PSMG4: variants seen among roughly 807,000 people sequenced by gnomAD.
PSMG4 encodes proteasome (prosome, macropain) assembly chaperone 4.
PSMG4 carries 10 observed loss-of-function variants against 11.0 expected under a neutral mutation model. That is an observed-to-expected ratio of 0.91 (90% CI 0.56 to 1.54). The LOEUF is 1.54. Ranked by LOEUF, PSMG4 falls within the 40% of genes most tolerant of loss-of-function variation. PSMG4 has a pLI of 0.00. For synonymous variants in PSMG4, 95 were observed against 71.3 expected (o/e 1.33, Z -1.68); for missense variants, 198 against 160.9 (o/e 1.23, Z -1.25).
At chr6:3,255,281 C>G (rs1049153784), upstream of PSMG4, 6 of 1,536,216 alleles carry the variant, frequency 3.9e-6, no homozygotes, top group East Asian at 2.5e-5. Context: ...TCTTACGGGT[C>G]TATCGGTGCC....
In PSMG4 at chr6:3,259,210, G is replaced by T. The variant is rs766109268; in HGVS notation, c.174+14G>T. ...TGCAGCCGCTACGTGAGTGCCTGGC[G>T]GCCGAGGGTGCGGGCGGCGGGGCGG... is the stretch of plus-strand genomic sequence containing the variant. On this transcript the variant is annotated intron_variant, in intron 1 of 2. Coordinates refer to ENST00000438998, the MANE Select transcript of PSMG4 (RefSeq NM_001128591.2). The T allele has an allele frequency of 1.6e-6, 2 of 1,282,380 alleles. No homozygotes were observed. Among genetic ancestry groups the T allele is most frequent in the Non-Finnish European group, 2.0e-6 (2 of 1,016,342 alleles). 79.4% of individuals were successfully genotyped at this position (1,282,380 alleles called of 1,614,324 possible). A position where few individuals can be genotyped will look rare whatever the true frequency, so the allele number is the denominator to read the frequency against.
chr6:3,264,548 C>A, intron 2 of PSMG4: 1 of 792,048 alleles, frequency 1.3e-6, no homozygotes, highest in Non-Finnish European at 1.9e-6. Context: ...GCACCTGGCC[C>A]AGGGGGAAGG....
chr6:3,254,427 G>C (rs191613536), upstream of PSMG4, among the ~76,000 whole-genome samples: 91 of 147,162 alleles, frequency 6.2e-4, no homozygotes, highest in East Asian at 0.014. Flanking sequence ...AGGAGGTATG[G>C]CTTTGTGCTG....
intron 1 of PSMG4, among the ~76,000 whole-genome samples, chr6:3,261,714 T>G (rs1012659228): frequency 2.7e-4 from 41 of 152,126 alleles, no homozygotes; most frequent in Non-Finnish European, 5.1e-4. Context: ...GGCATTAGCT[T>G]AAGGCAGGAA....
chr6:3,264,407 C>T, intron 2 of PSMG4: 1 of 1,494,592 alleles, frequency 6.7e-7, no homozygotes, highest in Non-Finnish European at 8.9e-7. Flanking sequence ...CTGCCCAGGC[C>T]TGGCGTTCTC....
chr6:3,256,475 CT>C (rs1426078467), upstream of PSMG4, among the ~76,000 whole-genome samples: 2 of 152,206 alleles, frequency 1.3e-5, no homozygotes, highest in African/African-American at 4.8e-5. Context: ...TTGCATCTTC[CT>C]CCTCCTGTGA....
upstream of PSMG4, chr6:3,254,903 A>G: frequency 1.2e-6 from 1 of 845,890 alleles, no homozygotes. Flanking sequence ...TAAGTGAATG[A>G]TCTCTGAGCT....
At position 3,263,750 on chromosome 6, in the gene PSMG4, C is replaced by A; in HGVS notation, c.241C>A (p.Gln81Lys). 1.3e-6 allele frequency: 2 copies of A among 1,551,382 alleles called. No homozygotes were observed. Among genetic ancestry groups the A allele is most frequent in the Non-Finnish European group, 1.7e-6 (2 of 1,146,792 alleles). ...TSDTTSTGLA[Q>K]RLARKTNKQV... ...CGACACGACCTCTACTGGCCTTGCCCAGCGCCTAGGTATGTACCCACAGCT... is the reference window on the plus strand; with the variant it reads ...CGACACGACCTCTACTGGCCTTGCCAAGCGCCTAGGTATGTACCCACAGCT... The change falls in exon 2 of 3, where the codon CAG (glutamine) becomes AAG (lysine). Residue 81 changes from glutamine (Q) to lysine (K), a missense_variant. Transcript: ENST00000438998.
In PSMG4 at chr6:3,267,954, A is replaced by AT. The variant is rs1460814645; in HGVS notation, c.*247dup. ...GTGAGTGATAGAGGGATGAAATGGG[A>AT]TTTTTGTTGGGATTGAAGACTGTAA... On this transcript the variant is annotated 3_prime_UTR_variant, in exon 3 of 3. Transcript: ENST00000438998. The AT allele has an allele frequency of 1.9e-5, 7 of 360,130 alleles. No homozygotes were observed. Among genetic ancestry groups the AT allele is most frequent in the African/African-American group, 1.2e-4 (6 of 48,998 alleles). The allele number at this position is 360,130 out of a possible 1,614,324, so 22.3% of individuals were successfully genotyped here. A position where few individuals can be genotyped will look rare whatever the true frequency, so the allele number is the denominator to read the frequency against.
chr6:3,259,412 C>G (rs1757887005), intron 1 of PSMG4, among the ~76,000 whole-genome samples: 1 of 152,250 alleles, frequency 6.6e-6, no homozygotes, highest in Non-Finnish European at 1.5e-5. Context: ...CTTGTCCCGC[C>G]GCCCCGCAGC....
upstream of PSMG4, among the ~76,000 whole-genome samples, chr6:3,257,905 TAAC>T (rs751724286): frequency 1.3e-5 from 2 of 152,240 alleles, no homozygotes; most frequent in Non-Finnish European, 2.9e-5. Flanking sequence ...ACCTGAAAAT[TAAC>T]TGTATTATTG....
upstream of PSMG4, among the ~76,000 whole-genome samples, chr6:3,256,207 G>A (rs993332583): frequency 3.9e-5 from 6 of 152,166 alleles, no homozygotes; most frequent in African/African-American, 1.4e-4. Context: ...CTTCCACTTG[G>A]TTTTCTCCAC....
rs543590518 is a variant in PSMG4 at position 3,260,632 on chromosome 6, C to T, written c.174+1436C>T. Among the ~76,000 whole-genome samples, 58 of 152,154 alleles carry T rather than the reference C, an allele frequency of 3.8e-4. 2 individuals are homozygous for T. Among genetic ancestry groups the T allele is most frequent in the South Asian group, 2.1e-4 (1 of 4,828 alleles). ...CCGGGATTATAGGCGTTAGCCGCCG[C>T]GCCTGGTCTAAATTACATCTTATTT... On this transcript the variant is annotated intron_variant, in intron 1 of 2. Transcript: ENST00000438998.
At chr6:3,254,947 T>G (rs1188881824), upstream of PSMG4, 12 of 1,283,164 alleles carry the variant, frequency 9.4e-6, no homozygotes, top group Non-Finnish European at 1.3e-5. Context: ...GGGTGTCAGC[T>G]GTTGGGTGTT....
chr6:3,263,522 G>T (rs1169793944), intron 1 of PSMG4, among the ~76,000 whole-genome samples, 162 bp from the exon 2 acceptor site: 2 of 152,142 alleles, frequency 1.3e-5, no homozygotes, highest in African/African-American at 4.8e-5. Context: ...CCACCTACTT[G>T]GTTGTTGACG....
chr6:3,264,568 G>A (rs1758114043), intron 2 of PSMG4: 1 of 625,564 alleles, frequency 1.6e-6, no homozygotes, highest in Non-Finnish European at 2.5e-6. Flanking sequence ...GCAGGGCAGG[G>A]TGGAGTGTCA....
chr6:3,265,845 C>T (rs1758161701), intron 2 of PSMG4: 1 of 152,120 alleles, frequency 6.6e-6, no homozygotes, highest in Non-Finnish European at 1.5e-5. Flanking sequence ...AGGCTCTGTG[C>T]TAAGTACTGT....
At chr6:3,255,201 T>C (rs1481298956), upstream of PSMG4, 1 of 1,550,440 alleles carries the variant, frequency 6.4e-7, no homozygotes, top group South Asian at 1.2e-5. Flanking sequence ...GTAGGATGTT[T>C]GGTGGCAGCA....
At chr6:3,266,168 A>G (rs1758174594) in intron 2 of PSMG4, 1 of 151,896 alleles carries the variant, frequency 6.6e-6, no homozygotes. Context: ...TCAATTTCCA[A>G]ACAAAGCTGG....
Sources: gnomAD v4.1 joint callset for allele counts (sites outside exome capture counted in the v4.1 genomes callset) on GRCh38, gnomAD v4.1.1 for gene constraint, MANE v1.5 for transcripts, NCBI Gene and HGNC (gene_info 2026-07-23, HGNC 2026-07-21) for gene names.